MAP1B: variants seen among roughly 807,000 people sequenced by gnomAD.
MAP1B encodes microtubule associated protein 1B.
A neutral mutation model predicts 176.1 loss-of-function variants in MAP1B; 12 were observed. The ratio of observed to expected loss-of-function variants is 0.07; its 90% CI spans 0.04 to 0.11. MAP1B has a LOEUF of 0.11. Among genes scored for constraint, MAP1B ranks in the 10% least tolerant of loss-of-function variants. The pLI is 1.00. For synonymous variants in MAP1B, 1,044 were observed against 1,135.0 expected (o/e 0.92, Z 1.61); for missense variants, 2,523 against 2,990.5 (o/e 0.84, Z 3.65).
At chr5:72,135,669 G>A (rs1307250810) in intron 2 of MAP1B, among the ~76,000 whole-genome samples, 1 of 152,092 alleles carries the variant, frequency 6.6e-6, no homozygotes, top group Non-Finnish European at 1.5e-5. Context: ...ATCCCAGAAT[G>A]TTCCTAGCAT....
chr5:72,203,669 T>C lies in MAP1B; in HGVS notation c.7119T>C (p.Asp2373=), dbSNP rs1490321710. ...IPNHSNSKNV[D]VEFFKRVRSS... ...ACCACAGCAATAGTAAGAATGTTGA[T>C]GTGGAATTTTTCAAGAGAGTGCGGT... Residue 2373 remains aspartate, a synonymous_variant, in exon 6 of 7, where the codon GAT becomes GAC. Coordinates refer to ENST00000296755, the MANE Select transcript of MAP1B (RefSeq NM_005909.5). The C allele has an allele frequency of 6.2e-7, 1 of 1,614,154 alleles. No individual in the cohort carries two copies.
intron 2 of MAP1B, among the ~76,000 whole-genome samples, chr5:72,149,384 G>A (rs1487818512): frequency 6.6e-6 from 1 of 152,224 alleles, no homozygotes; most frequent in Non-Finnish European, 1.5e-5. Flanking sequence ...TTTAAACTTA[G>A]GAGGGGCGGT....
intron 4 of MAP1B, among the ~76,000 whole-genome samples, chr5:72,187,232 G>T (rs1746927466): frequency 6.6e-6 from 1 of 152,172 alleles, no homozygotes; most frequent in Non-Finnish European, 1.5e-5. Flanking sequence ...TTTACAAAAG[G>T]AGCCACGTAG....
chr5:72,116,710 G>A (rs145271368), intron 2 of MAP1B, among the ~76,000 whole-genome samples: 1 of 152,186 alleles, frequency 6.6e-6, no homozygotes, highest in African/African-American at 2.4e-5. Context: ...CAGAAACACT[G>A]TATTACATCT....
At position 72,198,157 on chromosome 5, in the gene MAP1B, T is replaced by G. The variant is rs764368622; in HGVS notation, c.4802T>G (p.Phe1601Cys). 1.1e-5 allele frequency: 17 copies of G among 1,614,144 alleles called. No homozygotes were observed. The South Asian group carries it at 1.6e-4, about 16-fold the overall frequency. ...TCTGTTGTGCAAACACCTACCACATTCCAGGAAACAGAAATGTCTCCATCT... is the reference window on the plus strand; with the variant it reads ...TCTGTTGTGCAAACACCTACCACATGCCAGGAAACAGAAATGTCTCCATCT... ...SVSVVQTPTT[F>C]QETEMSPSKE... The change falls in exon 5 of 7, where the codon TTC (phenylalanine) becomes TGC (cysteine). Residue 1601 changes from phenylalanine to cysteine, a missense_variant. Around this residue, in one of 4 missense-constraint regions of MAP1B, gnomAD observed 1,925 missense variants for 2,126.0 expected, o/e 0.91. Transcript: ENST00000296755.
intron 5 of MAP1B, 92 bp from the exon 6 acceptor site, chr5:72,203,471 A>G: frequency 1.1e-6 from 1 of 882,412 alleles, no homozygotes; most frequent in East Asian, 2.4e-5. Flanking sequence ...GTGATTGAAT[A>G]GGGAAGGTGT....
rs1459932526 is a variant in MAP1B, at chr5:72,206,497, G to A, written c.*1258G>A. Reference sequence around the variant, plus strand: ...GAAAACAGTGAATCTTATGGTGGAAGAGGTTCTCAGCAAGTGTACAGTATT... The same window carrying A: ...GAAAACAGTGAATCTTATGGTGGAAAAGGTTCTCAGCAAGTGTACAGTATT... On this transcript the variant is annotated 3_prime_UTR_variant, in exon 7 of 7. Coordinates refer to ENST00000296755, the MANE Select transcript of MAP1B (RefSeq NM_005909.5). 1 of 152,646 alleles carries A rather than the reference G, an allele frequency of 6.6e-6. No individual in the cohort carries two copies. The highest frequency in any genetic ancestry group is 1.5e-5 in the Non-Finnish European group (1 of 68,044). The allele number at this position is 152,646 out of a possible 1,614,324, so 9.5% of individuals were successfully genotyped here.
At chr5:72,163,098 C>T (rs926578323) in intron 2 of MAP1B, among the ~76,000 whole-genome samples, 1 of 151,640 alleles carries the variant, frequency 6.6e-6, no homozygotes, top group Non-Finnish European at 1.5e-5. Context: ...CATGGTGGTG[C>T]GTGCCTATAG....
chr5:72,158,999 A>G (rs1294191283), intron 2 of MAP1B, among the ~76,000 whole-genome samples: 1 of 152,202 alleles, frequency 6.6e-6, no homozygotes, highest in Non-Finnish European at 1.5e-5. Flanking sequence ...AATCCTCACA[A>G]CAGCCATATG....
chr5:72,157,937 C>T (rs1229617080), intron 2 of MAP1B, among the ~76,000 whole-genome samples: 2 of 151,348 alleles, frequency 1.3e-5, no homozygotes, highest in African/African-American at 4.9e-5. Flanking sequence ...CCTCCCGGGT[C>T]CAAGCGATTC....
chr5:72,178,730 GT>G (rs1746703455), intron 2 of MAP1B, among the ~76,000 whole-genome samples: 1 of 133,472 alleles, frequency 7.5e-6, no homozygotes, highest in Admixed American at 7.4e-5. Flanking sequence ...TGAGGGGTGT[GT>G]GTGTGTGTGT....
At chr5:72,119,683 A>G (rs1745492384) in intron 2 of MAP1B, among the ~76,000 whole-genome samples, 1 of 152,012 alleles carries the variant, frequency 6.6e-6, no homozygotes, top group South Asian at 2.1e-4. Flanking sequence ...AATTTTTTGT[A>G]TGTTTTGTAG....
chr5:72,203,695 C>G lies in MAP1B; in HGVS notation c.7145C>G (p.Ser2382Cys). The G allele has an allele frequency of 6.2e-7, 1 of 1,614,074 alleles. No homozygotes were observed. Among genetic ancestry groups the G allele is most frequent in the Non-Finnish European group, 8.5e-7 (1 of 1,179,974 alleles). Reference protein sequence around the residue: ...VDVEFFKRVRSSYYVVSGNDP... With the variant: ...VDVEFFKRVRCSYYVVSGNDP... ...GTGGAATTTTTCAAGAGAGTGCGGT[C>G]TTCCTACTACGTGGTGAGTGGGAAT... The change falls in exon 6 of 7, where the codon TCT (serine) becomes TGT (cysteine). Residue 2382 changes from serine (S) to cysteine (C), a missense_variant. Physicochemically the swap from Ser to Cys is moderately radical, Grantham distance 112. This residue lies in a region of MAP1B where 287 missense variants were observed against 401.5 expected (regional missense o/e 0.71). Transcript: ENST00000296755.
chr5:72,127,555 A>G (rs745883686), intron 2 of MAP1B, among the ~76,000 whole-genome samples: 1 of 152,196 alleles, frequency 6.6e-6, no homozygotes, highest in African/African-American at 2.4e-5. Flanking sequence ...GTGTATACCT[A>G]TGTAACAAAC....
chr5:72,201,440 A>G (rs1246637152), intron 5 of MAP1B, among the ~76,000 whole-genome samples: 2 of 91,640 alleles, frequency 2.2e-5, no homozygotes, highest in East Asian at 4.6e-4. Flanking sequence ...CTGATTTTTG[A>G]TCATTCATGT....
chr5:72,179,661 G>A lies in MAP1B; in HGVS notation c.287-4082G>A, dbSNP rs549522190. 3.7e-5 allele frequency: 36 copies of A among 985,486 alleles called. No homozygotes were observed. In the South Asian group the frequency reaches 1.5e-3, roughly 41 times the overall value. 61.0% of individuals were successfully genotyped at this position (985,486 alleles called of 1,614,324 possible). On this transcript the variant is annotated intron_variant, in intron 2 of 6. Coordinates refer to ENST00000296755, the MANE Select transcript of MAP1B (RefSeq NM_005909.5). ...GGGCGGCCCAGCCCCAGGTTACGTC[G>A]TCCCCAGAAAGAATCTGGCCAACAG...
In MAP1B at chr5:72,198,536, G is replaced by C. The variant is rs1747240496; in HGVS notation, c.5181G>C (p.Glu1727Asp). The change falls in exon 5 of 7, where the codon GAG (glutamate) becomes GAC (aspartate). Residue 1727 changes from glutamate (E) to aspartate (D), a missense_variant. Physicochemically the swap from Glu to Asp is conservative, Grantham distance 45 (BLOSUM62 2). Coordinates refer to ENST00000296755, the MANE Select transcript of MAP1B (RefSeq NM_005909.5). ...AGCTCATCTCAGTATCTCAGGTAGA[G>C]GCCTCCCCGTCCACCTCTTCTGCTC... is the stretch of plus-strand genomic sequence containing the variant. Reference protein sequence around the residue: ...LSELISVSQVEASPSTSSAHT... With the variant: ...LSELISVSQVDASPSTSSAHT... The C allele has an allele frequency of 1.9e-6, 3 of 1,613,866 alleles. No homozygotes were observed. In the African/African-American group the frequency reaches 4.0e-5, roughly 22 times the overall value.
chr5:72,160,419 C>T lies in MAP1B; in HGVS notation c.287-23324C>T, dbSNP rs541848631. On this transcript the variant is annotated intron_variant, in intron 2 of 6. Transcript: ENST00000296755. ...ATTTAAACAACTGTGTGACTATTGT[C>T]TAGGAAATGAGTGTAGGCTGGGAAT... Among the ~76,000 whole-genome samples, 21 of 152,216 alleles carry T rather than the reference C, an allele frequency of 1.4e-4. No individual in the cohort carries two copies. In the South Asian group the frequency reaches 4.4e-3, roughly 32 times the overall value.
intron 2 of MAP1B, among the ~76,000 whole-genome samples, chr5:72,150,241 G>A (rs1216775116): frequency 1.3e-5 from 2 of 152,146 alleles, no homozygotes; most frequent in Non-Finnish European, 2.9e-5. Context: ...ATGAATTACT[G>A]ACTCAGAATC....
Sources: gnomAD v4.1 joint callset for allele counts (sites outside exome capture counted in the v4.1 genomes callset) on GRCh38, gnomAD v4.1.1 for gene constraint, gnomAD v4.1.1 regional missense constraint, MANE v1.5 for transcripts, NCBI Gene and HGNC (gene_info 2026-07-23, HGNC 2026-07-21) for gene names.